CEP85L: variants seen among roughly 807,000 people sequenced by gnomAD.
CEP85L encodes the protein centrosomal protein 85L.
A neutral mutation model predicts 100.3 loss-of-function variants in CEP85L; 60 were observed. The observed-to-expected ratio is 0.60, with a 90% CI of 0.49 to 0.74. CEP85L has a LOEUF of 0.74. CEP85L is among the 30% of genes least tolerant of loss of function. The pLI, the probability that CEP85L is intolerant of heterozygous loss-of-function variation, is 0.00. For missense variants in CEP85L, 973 were observed against 936.2 expected, an observed-to-expected ratio of 1.04 and a Z score of -0.51; for synonymous variants, 319 against 322.7, an observed-to-expected ratio of 0.99 and a Z score of 0.12.
rs56347032 is a variant in CEP85L at position 118,519,584 on chromosome 6, CGG to C, written c.1139+4216_1139+4217del. Among the ~76,000 whole-genome samples the C allele has an allele frequency of 6.2e-3, 17 of 2,722 alleles. 1 individual carries two copies. Among genetic ancestry groups the C allele is most frequent in the Non-Finnish European group, 9.5e-3 (15 of 1,582 alleles). The allele number at this position is 2,722 out of a possible 152,430, so 1.8% of individuals were successfully genotyped here. A position where few individuals can be genotyped will look rare whatever the true frequency, so the allele number is the denominator to read the frequency against. ...TGTGTGTGTGTGTGTGTGTGTGTGG[CGG>C]GGGGGGGGTGTGAAACTCCGTCTCA... On this transcript the variant is annotated intron_variant, in intron 4 of 12. Coordinates refer to ENST00000368491, the MANE Select transcript of CEP85L (RefSeq NM_001042475.3).
chr6:118,499,403 T>C (rs1279967599), intron 5 of CEP85L, among the ~76,000 whole-genome samples: 3 of 152,152 alleles, frequency 2.0e-5, no homozygotes, highest in African/African-American at 7.2e-5. Context: ...CGGTGGCTCA[T>C]GCCTGTAATC....
intron 2 of CEP85L, among the ~76,000 whole-genome samples, chr6:118,603,944 G>A (rs1772001007): frequency 1.3e-5 from 2 of 152,200 alleles, no homozygotes; most frequent in Admixed American, 1.3e-4. Context: ...GGTTGATTTT[G>A]TGGTACACAG....
intron 2 of CEP85L, among the ~76,000 whole-genome samples, chr6:118,626,724 C>G (rs1471840992): frequency 2.6e-5 from 4 of 152,192 alleles, no homozygotes; most frequent in Non-Finnish European, 5.9e-5. Context: ...CTCTCTCAGT[C>G]CAAGTCTCTG....
intron 3 of CEP85L, among the ~76,000 whole-genome samples, chr6:118,539,794 G>A (rs913854208): frequency 1.8e-4 from 27 of 152,266 alleles, no homozygotes; most frequent in African/African-American, 7.2e-5. Context: ...CTTGAGGGGA[G>A]AGGGAGCATG....
intron 2 of CEP85L, among the ~76,000 whole-genome samples, chr6:118,592,328 TC>T (rs1305492959): frequency 5.1e-5 from 7 of 137,820 alleles, no homozygotes; most frequent in Admixed American, 1.4e-4. Context: ...ATCCTCTAGG[TC>T]TTTTTTTTTT....
intron 12 of CEP85L, among the ~76,000 whole-genome samples, chr6:118,468,206 T>C (rs761478638): frequency 2.6e-5 from 4 of 152,198 alleles, no homozygotes; most frequent in Non-Finnish European, 5.9e-5. Flanking sequence ...AGAGCATTAT[T>C]TGATTTGCCA....
chr6:118,616,817 C>T (rs889923958), intron 2 of CEP85L, among the ~76,000 whole-genome samples: 4 of 151,456 alleles, frequency 2.6e-5, no homozygotes, highest in Non-Finnish European at 4.4e-5. Context: ...TGGTGGCGTG[C>T]ACCTGTAATC....
intron 2 of CEP85L, among the ~76,000 whole-genome samples, chr6:118,586,015 A>G (rs1275295716): frequency 2.0e-5 from 3 of 152,308 alleles, no homozygotes; most frequent in African/African-American, 7.2e-5. Context: ...GCTTTCATCT[A>G]TCCAAGTACC....
chr6:118,664,527 G>A (rs1384677458), intron 1 of CEP85L: 2 of 152,506 alleles, frequency 1.3e-5, no homozygotes, highest in Non-Finnish European at 2.9e-5. Context: ...AAGAGCTGGG[G>A]ATGAAAGGAG....
intron 1 of CEP85L, among the ~76,000 whole-genome samples, chr6:118,688,428 G>A (rs1311487556): frequency 2.0e-5 from 3 of 152,056 alleles, no homozygotes; most frequent in African/African-American, 7.2e-5. Context: ...CCTAGCATAT[G>A]GTAAATGTTC....
chr6:118,504,566 TG>T (rs1232951454), intron 5 of CEP85L, among the ~76,000 whole-genome samples: 2 of 152,200 alleles, frequency 1.3e-5, no homozygotes, highest in Non-Finnish European at 2.9e-5. Flanking sequence ...CTCTTCAATC[TG>T]GCTGTTCATC....
In CEP85L at chr6:118,461,324, G is replaced by T. The variant is rs778519037; in HGVS notation, c.*4081C>A. 3 of 151,942 alleles carry T rather than the reference G, an allele frequency of 2.0e-5. No homozygotes were observed. Among genetic ancestry groups the T allele is most frequent in the Non-Finnish European group, 2.9e-5 (2 of 67,950 alleles). The allele number at this position is 151,942 out of a possible 1,614,324, so 9.4% of individuals were successfully genotyped here. A position where few individuals can be genotyped will look rare whatever the true frequency, so the allele number is the denominator to read the frequency against. ...AGTTTCCAGCTCACTACACAGGGAAGGCTGGGCTCCAAAGACATCTATCTG... is the reference window on the plus strand; with the variant it reads ...AGTTTCCAGCTCACTACACAGGGAATGCTGGGCTCCAAAGACATCTATCTG... On this transcript the variant is annotated 3_prime_UTR_variant, in exon 13 of 13. Transcript: ENST00000368491.
chr6:118,555,999 G>A (rs1304828121), intron 3 of CEP85L, among the ~76,000 whole-genome samples: 1 of 152,160 alleles, frequency 6.6e-6, no homozygotes, highest in Non-Finnish European at 1.5e-5. Flanking sequence ...TTTTATGGCT[G>A]CATAGTATTG....
At position 118,463,431 on chromosome 6, in the gene CEP85L, G is replaced by A. The variant is rs1772330680; in HGVS notation, c.*1974C>T. Reference sequence around the variant, plus strand: ...GTGGTTGGGATTCTATTCAAAGAGAGTGTAAAAATATTTGCTGCACTTGTG... The same window carrying A: ...GTGGTTGGGATTCTATTCAAAGAGAATGTAAAAATATTTGCTGCACTTGTG... On this transcript the variant is annotated 3_prime_UTR_variant, in exon 13 of 13. Coordinates refer to ENST00000368491, the MANE Select transcript of CEP85L (RefSeq NM_001042475.3). The A allele has an allele frequency of 6.6e-6, 1 of 151,916 alleles. No homozygotes were observed. The highest frequency in any genetic ancestry group is 1.5e-5 in the Non-Finnish European group (1 of 67,882). 9.4% of individuals were successfully genotyped at this position (151,916 alleles called of 1,614,324 possible).
intron 3 of CEP85L, among the ~76,000 whole-genome samples, chr6:118,562,912 C>T (rs895320147): frequency 2.7e-4 from 41 of 152,108 alleles, no homozygotes; most frequent in African/African-American, 9.7e-4. Context: ...ACTGCCGTTA[C>T]GTGTAGAAGT....
At chr6:118,639,073 T>A (rs187331547) in intron 1 of CEP85L, among the ~76,000 whole-genome samples, 6 of 152,338 alleles carry the variant, frequency 3.9e-5, no homozygotes, top group African/African-American at 1.4e-4. Context: ...TTGCAATGTT[T>A]TTCAGAATGC....
intron 1 of CEP85L, among the ~76,000 whole-genome samples, chr6:118,674,523 C>CAA (rs34699146): frequency 1.7e-3 from 185 of 106,348 alleles, no homozygotes; most frequent in Middle Eastern, 0.01. Context: ...GACTCCATCT[C>CAA]AAAAAAAAAA....
chr6:118,568,365 G>C (rs1342776259), intron 2 of CEP85L, among the ~76,000 whole-genome samples: 3 of 152,186 alleles, frequency 2.0e-5, no homozygotes, highest in Admixed American at 1.3e-4. Flanking sequence ...AATTTCCTAT[G>C]TGCTCAACCA....
At position 118,523,926 on chromosome 6, in the gene CEP85L, G is replaced by A. The variant is rs759927519; in HGVS notation, c.1021-6C>T. Reference sequence around the variant, plus strand: ...CGAGATGATCCAGTCAAAACCTGCAGAAACATGTTTACACAATTAGTATAC... The same window carrying A: ...CGAGATGATCCAGTCAAAACCTGCAAAAACATGTTTACACAATTAGTATAC... On this transcript the variant is annotated splice_polypyrimidine_tract_variant and splice_region_variant and intron_variant, in intron 3 of 12. Coordinates refer to ENST00000368491, the MANE Select transcript of CEP85L (RefSeq NM_001042475.3). The A allele has an allele frequency of 2.9e-6, 4 of 1,394,836 alleles. No individual in the cohort carries two copies. In the Admixed American group the frequency reaches 6.9e-5, roughly 24 times the overall value. The allele number at this position is 1,394,836 out of a possible 1,614,324, so 86.4% of individuals were successfully genotyped here. A position where few individuals can be genotyped will look rare whatever the true frequency, so the allele number is the denominator to read the frequency against.
Sources: allele counts gnomAD v4.1 joint callset (sites outside exome capture counted in the v4.1 genomes callset), GRCh38; gene constraint gnomAD v4.1.1; transcripts MANE v1.5; gene names NCBI Gene and HGNC (gene_info 2026-07-23, HGNC 2026-07-21).